The following FCRL1 variants were observed in gnomAD, a reference collection of about 807,000 sequenced individuals.
FCRL1 encodes Fc receptor-like protein 1.
FCRL1 carries 34 observed loss-of-function variants against 49.2 expected under a neutral mutation model. That is an observed-to-expected ratio of 0.69 (90% CI 0.53 to 0.92). FCRL1 has a LOEUF of 0.92. FCRL1 is among the 40% of genes least tolerant of loss of function. FCRL1 has a pLI of 0.00. For synonymous variants in FCRL1, 218 were observed against 201.6 expected (o/e 1.08, Z -0.69); for missense variants, 524 against 524.1 (o/e 1.00, Z 0.00).
At chr1:157,809,091 G>T (rs765607182) in intron 1 of FCRL1, among the ~76,000 whole-genome samples, 9 of 152,140 alleles carry the variant, frequency 5.9e-5, no homozygotes, top group Non-Finnish European at 1.3e-4. Context: ...TTAGATACCC[G>T]AATGCAGTTA....
In FCRL1 at chr1:157,820,109, CA is replaced by C. The variant is rs1473647453; in HGVS notation, c.-73del. On this transcript the variant is annotated 5_prime_UTR_variant, in exon 1 of 11. An upstream open reading frame in the 5' UTR gains an earlier in-frame stop. Transcript: ENST00000368176. ...AAGAATGCACCTCAGAGTCGAGCAG[CA>C]GCAGCTCATCAGAGGTTTGAGGAAG... is the stretch of plus-strand genomic sequence containing the variant. 1.0e-4 allele frequency: 158 copies of C among 1,562,440 alleles called. No individual in the cohort carries two copies. The highest frequency in any genetic ancestry group is 1.4e-4 in the Non-Finnish European group (158 of 1,134,236).
intron 2 of FCRL1, 74 bp downstream of exon 2, chr1:157,807,028 C>T (rs1020409469): frequency 3.2e-6 from 5 of 1,555,790 alleles, no homozygotes; most frequent in Non-Finnish European, 4.4e-6. Context: ...AGACAGCAAT[C>T]TGCAGGCCTC....
intron 7 of FCRL1, 130 bp from the exon 8 acceptor site, chr1:157,798,373 T>G (rs947549622): frequency 5.3e-5 from 40 of 748,390 alleles, no homozygotes; most frequent in Non-Finnish European, 7.5e-5. Context: ...AATGAGCAGC[T>G]AGAAGGCACA....
In FCRL1 at chr1:157,803,795, C is replaced by T. The variant is rs12080067; in HGVS notation, c.319+50G>A. ...CATAACAGTGAGGATTAGCCTCTTG[C>T]CACTGCCCTTCTCAGCCTATCCTGG... On this transcript the variant is annotated intron_variant, in intron 3 of 10. Transcript: ENST00000368176. The T allele has an allele frequency of 7.7e-3, 12,321 of 1,591,190 alleles. 788 individuals carry two copies. In the African/African-American group the frequency reaches 0.14, roughly 19 times the overall value.
rs1654687925 is a variant in FCRL1 at position 157,813,905 on chromosome 1, T to C, written c.31+6102A>G. Among the ~76,000 whole-genome samples, 4 of 152,246 alleles carry C rather than the reference T, an allele frequency of 2.6e-5. No homozygotes were observed. In the Middle Eastern group the frequency reaches 0.01, roughly 388 times the overall value. On this transcript the variant is annotated intron_variant, in intron 1 of 10. Coordinates refer to ENST00000368176, the MANE Select transcript of FCRL1 (RefSeq NM_052938.5). ...TCATCAGATCTATCACCAGAAATCATGCAGGCCAGGAAAGAATAAGATGAT... is the reference window on the plus strand; with the variant it reads ...TCATCAGATCTATCACCAGAAATCACGCAGGCCAGGAAAGAATAAGATGAT...
intron 2 of FCRL1, among the ~76,000 whole-genome samples, chr1:157,805,606 G>A (rs1353956245): frequency 1.3e-5 from 2 of 152,204 alleles, no homozygotes; most frequent in Non-Finnish European, 2.9e-5. Context: ...TAAATAAAAA[G>A]GCATTTAGGC....
At position 157,795,179 on chromosome 1, in the gene FCRL1, A is replaced by C. The variant is rs773453821; in HGVS notation, c.*920T>G. ...TGAGACCAGCCTGGGCAAAACGGTG[A>C]AATCTTGTCTCTACGTAAGACAAAA... On this transcript the variant is annotated 3_prime_UTR_variant, in exon 11 of 11. Coordinates refer to ENST00000368176, the MANE Select transcript of FCRL1 (RefSeq NM_052938.5). 3 of 152,180 alleles carry C rather than the reference A, an allele frequency of 2.0e-5. No individual in the cohort carries two copies. Among genetic ancestry groups the C allele is most frequent in the Non-Finnish European group, 2.9e-5 (2 of 68,022 alleles). 9.4% of individuals were successfully genotyped at this position (152,180 alleles called of 1,614,324 possible).
Position 157,796,062 on chromosome 1 carries a change from C to T in FCRL1, c.*37G>A. The stretch of plus-strand genomic sequence containing the variant: ...ACATATCAGGCCTGAGGCTTGGGGT[C>T]ATGGATGGTTTTCAAAGAGCAGAAT... On this transcript the variant is annotated 3_prime_UTR_variant, in exon 11 of 11. Transcript: ENST00000368176. The T allele has an allele frequency of 1.3e-6, 2 of 1,564,680 alleles. No individual in the cohort carries two copies. Among genetic ancestry groups the T allele is most frequent in the South Asian group, 1.1e-5 (1 of 90,040 alleles).
At chr1:157,818,877 T>C (rs1298659314) in intron 1 of FCRL1, among the ~76,000 whole-genome samples, 4 of 152,200 alleles carry the variant, frequency 2.6e-5, no homozygotes, top group Non-Finnish European at 5.9e-5. Context: ...TGTATACTTA[T>C]GGGAATAATT....
In FCRL1 at chr1:157,807,131, G is replaced by A. The variant is rs769195835; in HGVS notation, c.32-9C>T. 1.2e-6 allele frequency: 2 copies of A among 1,613,656 alleles called. No individual in the cohort carries two copies. The highest frequency in any genetic ancestry group is 1.7e-6 in the Non-Finnish European group (2 of 1,179,804). On this transcript the variant is annotated splice_polypyrimidine_tract_variant and intron_variant, in intron 1 of 10. Coordinates refer to ENST00000368176, the MANE Select transcript of FCRL1 (RefSeq NM_052938.5). ...AGGTTCACAGAGTGGAGCTGGGAGAGAATTCAGCAGAGATCAGTACAGAGC... is the reference window on the plus strand; with the variant it reads ...AGGTTCACAGAGTGGAGCTGGGAGAAAATTCAGCAGAGATCAGTACAGAGC...
intron 10 of FCRL1, 99 bp downstream of exon 10, chr1:157,797,002 G>A (rs1273492292): frequency 1.7e-6 from 2 of 1,156,334 alleles, no homozygotes; most frequent in African/African-American, 3.1e-5. Context: ...TAGACCATGG[G>A]ATTTTTGCTC....
intron 1 of FCRL1, among the ~76,000 whole-genome samples, chr1:157,807,621 G>C (rs1170375608): frequency 1.3e-5 from 2 of 152,162 alleles, no homozygotes; most frequent in African/African-American, 4.8e-5. Context: ...CATACTCAAG[G>C]CATAGAGACC....
rs1390489225 is a variant in FCRL1 at position 157,795,561 on chromosome 1, CTT to C, written c.*536_*537del. On this transcript the variant is annotated 3_prime_UTR_variant, in exon 11 of 11. Transcript: ENST00000368176. Reference sequence around the variant, plus strand: ...GGAGTCACAATAACTTTTTATGTAACTTTGTTTTAGTTCTAATTTGGTAACAG... The same window carrying C: ...GGAGTCACAATAACTTTTTATGTAACTGTTTTAGTTCTAATTTGGTAACAG... 6.6e-6 allele frequency: 1 copy of C among 152,374 alleles called. No homozygotes were observed. The highest frequency in any genetic ancestry group is 1.5e-5 in the Non-Finnish European group (1 of 68,232). 9.4% of individuals were successfully genotyped at this position (152,374 alleles called of 1,614,324 possible).
Position 157,802,058 on chromosome 1 carries a change from G to T in FCRL1, c.743C>A (p.Thr248Asn). 1 of 1,614,206 alleles carries T rather than the reference G, an allele frequency of 6.2e-7. No homozygotes were observed. The highest frequency in any genetic ancestry group is 1.3e-5 in the African/African-American group (1 of 75,056). The change falls in exon 5 of 11, where the codon ACC becomes AAC. Residue 248 changes from threonine to asparagine, a missense_variant. Transcript: ENST00000368176. ...AGAGGGGGCCGACCTGCTCCCCAGG[G>T]TGATATCCTCGTGATAAAACCAGTA... Reference protein sequence around the residue: ...ILYWFYHEDITLGSRSAPSGG... With the variant: ...ILYWFYHEDINLGSRSAPSGG...
chr1:157,813,471 G>A (rs1412122115), intron 1 of FCRL1, among the ~76,000 whole-genome samples: 1 of 152,078 alleles, frequency 6.6e-6, no homozygotes, highest in East Asian at 1.9e-4. Context: ...ACAATTGAGA[G>A]TTTCAACAGC....
At chr1:157,797,831 C>T (rs1418539092) in intron 9 of FCRL1, 37 bp downstream of exon 9, 1 of 1,614,030 alleles carries the variant, frequency 6.2e-7, no homozygotes, top group Non-Finnish European at 8.5e-7. Flanking sequence ...CTGGGAAAGA[C>T]AAAAGTCAGA....
At chr1:157,810,476 TA>T (rs761888605) in intron 1 of FCRL1, among the ~76,000 whole-genome samples, 1 of 151,964 alleles carries the variant, frequency 6.6e-6, no homozygotes, top group Non-Finnish European at 1.5e-5. Context: ...TTTGTATTTT[TA>T]GTAGAGATGG....
Position 157,798,242 on chromosome 1 carries a change from T to C in FCRL1, c.1033A>G (p.Ser345Gly), listed in dbSNP as rs1444404690. 6.2e-7 allele frequency: 1 copy of C among 1,607,954 alleles called. No homozygotes were observed. Residue 345 changes from serine (S) to glycine (G), a missense_variant and splice_region_variant, in exon 8 of 11, where the codon AGC becomes GGC. Physicochemically the swap from Ser to Gly is moderately conservative, Grantham distance 56. Coordinates refer to ENST00000368176, the MANE Select transcript of FCRL1 (RefSeq NM_052938.5). ...GRRSARDPLR[S>G]LPSPLPQEFT... is the part of the protein sequence containing the mutation. ...TCTTGGGGTAGAGGGCTGGGAAGGCTCCTGCAAACACAGAGACACATGTTA... is the reference window on the plus strand; with the variant it reads ...TCTTGGGGTAGAGGGCTGGGAAGGCCCCTGCAAACACAGAGACACATGTTA...
intron 1 of FCRL1, among the ~76,000 whole-genome samples, chr1:157,807,667 G>T (rs544398738): frequency 6.6e-6 from 1 of 152,272 alleles, no homozygotes; most frequent in South Asian, 2.1e-4. Context: ...GGAGGCTTAG[G>T]TCCAGAAAAG....
Sources: allele counts gnomAD v4.1 joint callset (sites outside exome capture counted in the v4.1 genomes callset), GRCh38; gene constraint gnomAD v4.1.1; transcripts MANE v1.5; gene names NCBI Gene and HGNC (gene_info 2026-07-23, HGNC 2026-07-21).